The following ZNF385D variants were observed in gnomAD, a reference collection of about 807,000 sequenced individuals.
The protein encoded by ZNF385D is zinc finger protein 385D.
A neutral mutation model predicts 35.8 loss-of-function variants in ZNF385D; 15 were observed. The ratio of observed to expected loss-of-function variants is 0.42; its 90% CI spans 0.28 to 0.64. ZNF385D has a LOEUF of 0.64. Among genes scored for constraint, ZNF385D ranks in the 30% least tolerant of loss-of-function variants. ZNF385D has a pLI of 0.23. For missense variants in ZNF385D, 474 were observed against 494.6 expected, an observed-to-expected ratio of 0.96 and a Z score of 0.39; for synonymous variants, 212 against 186.8, an observed-to-expected ratio of 1.13 and a Z score of -1.10.
chr3:22,241,158 G>A (rs1576549214), intron 2 of ZNF385D, among the ~76,000 whole-genome samples: 1 of 151,070 alleles, frequency 6.6e-6, no homozygotes, highest in East Asian at 2.0e-4. Context: ...ACCTTAACTA[G>A]CCCAACTGTA....
chr3:22,107,026 G>GTTTTTTTTTTTTTTTTTTTTTTC (rs10676871), intron 3 of ZNF385D, among the ~76,000 whole-genome samples: 1 of 118,830 alleles, frequency 8.4e-6, no homozygotes, highest in Non-Finnish European at 1.8e-5. Flanking sequence ...TGGAATGAGA[G>GTTTTTTTTTTTTTTTTTTTTTTC]TTTTTTTTTT....
intron 3 of ZNF385D, among the ~76,000 whole-genome samples, chr3:22,144,657 A>T (rs1027302914): frequency 7.9e-6 from 1 of 126,108 alleles, no homozygotes; most frequent in Non-Finnish European, 1.9e-5. Context: ...TAAGTTAGTC[A>T]TCATTAGTAG....
intron 3 of ZNF385D, among the ~76,000 whole-genome samples, chr3:22,139,983 T>C (rs1333550159): frequency 6.6e-6 from 1 of 152,108 alleles, no homozygotes; most frequent in Non-Finnish European, 1.5e-5. Flanking sequence ...ATATAGAGAA[T>C]CTCTCACATA....
At chr3:21,709,850 T>C (rs1329182339) in intron 1 of ZNF385D, among the ~76,000 whole-genome samples, 1 of 152,234 alleles carries the variant, frequency 6.6e-6, no homozygotes, top group East Asian at 1.9e-4. Context: ...TTTGAAGATG[T>C]ATACGGTGCA....
Position 22,312,595 on chromosome 3 carries a change from T to C in ZNF385D, c.106+59855A>G, listed in dbSNP as rs576587433. ...ACCCCATCAAAAAGTGGGTGAAGGATATGAACAGACACTTCTCAAAAGAAG... is the reference window on the plus strand; with the variant it reads ...ACCCCATCAAAAAGTGGGTGAAGGACATGAACAGACACTTCTCAAAAGAAG... On this transcript the variant is annotated intron_variant, in intron 2 of 5. Transcript: ENST00000494108. Among the ~76,000 whole-genome samples, 16 of 152,094 alleles carry C rather than the reference T, an allele frequency of 1.1e-4. No homozygotes were observed. In the South Asian group the frequency reaches 1.2e-3, roughly 12 times the overall value.
At chr3:21,944,280 T>C (rs1701671370) in intron 3 of ZNF385D, among the ~76,000 whole-genome samples, 1 of 152,186 alleles carries the variant, frequency 6.6e-6, no homozygotes, top group Admixed American at 6.5e-5. Flanking sequence ...AGGTCGTCTC[T>C]GCAGATTTTC....
chr3:21,643,871 T>C (rs1403382015), intron 2 of ZNF385D, among the ~76,000 whole-genome samples: 1 of 152,112 alleles, frequency 6.6e-6, no homozygotes, highest in Non-Finnish European at 1.5e-5. Context: ...AAAGTTCTAT[T>C]GTACAGTGCT....
intron 2 of ZNF385D, among the ~76,000 whole-genome samples, chr3:21,608,014 TTTTTTTTTG>T (rs2064540458): frequency 8.8e-6 from 1 of 113,724 alleles, no homozygotes; most frequent in African/African-American, 3.2e-5. Context: ...TTTTTCTTCT[TTTTTTTTTG>T]TTTTTTTTTT....
At chr3:22,110,194 T>A (rs1489350429) in intron 3 of ZNF385D, among the ~76,000 whole-genome samples, 4 of 152,146 alleles carry the variant, frequency 2.6e-5, no homozygotes, top group Non-Finnish European at 5.9e-5. Context: ...TTGGTGGGAC[T>A]GTAAACTAGT....
intron 2 of ZNF385D, among the ~76,000 whole-genome samples, chr3:22,188,324 C>T (rs1164946017): frequency 6.6e-6 from 1 of 152,128 alleles, no homozygotes; most frequent in Non-Finnish European, 1.5e-5. Flanking sequence ...AACAGTATTT[C>T]GTGCTAAATC....
chr3:21,755,819 T>C (rs1332843522), upstream of ZNF385D, among the ~76,000 whole-genome samples: 2 of 152,212 alleles, frequency 1.3e-5, no homozygotes, highest in South Asian at 2.1e-4. Context: ...ATGCCTATCA[T>C]GTGCCAGGCA....
intron 3 of ZNF385D, among the ~76,000 whole-genome samples, chr3:21,801,079 G>C (rs1476111583): frequency 1.3e-5 from 2 of 151,924 alleles, no homozygotes; most frequent in Non-Finnish European, 2.9e-5. Flanking sequence ...AATTTAGATG[G>C]CCATGTATTT....
chr3:21,743,969 G>A (rs955233244), intron 1 of ZNF385D, among the ~76,000 whole-genome samples: 5 of 152,146 alleles, frequency 3.3e-5, no homozygotes, highest in Admixed American at 2.0e-4. Flanking sequence ...CATTTCTCAA[G>A]CTATTGGCTG....
At chr3:21,819,849 A>G (rs1486121650) in intron 3 of ZNF385D, among the ~76,000 whole-genome samples, 1 of 148,158 alleles carries the variant, frequency 6.7e-6, no homozygotes, top group East Asian at 2.0e-4. Flanking sequence ...ACACATATAT[A>G]CATAAATATA....
intron 2 of ZNF385D, among the ~76,000 whole-genome samples, chr3:22,214,503 C>A (rs1196507558): frequency 6.6e-6 from 1 of 152,092 alleles, no homozygotes. Context: ...AGCCATATTT[C>A]TCTTCTTTCA....
intron 1 of ZNF385D, among the ~76,000 whole-genome samples, chr3:21,732,863 T>C (rs2069081673): frequency 1.3e-5 from 2 of 152,200 alleles, no homozygotes; most frequent in Admixed American, 1.3e-4. Context: ...CTCTTTGTAG[T>C]GTCTTTCACA....
At chr3:21,492,719 T>C (rs1336310519) in intron 4 of ZNF385D, among the ~76,000 whole-genome samples, 1 of 151,484 alleles carries the variant, frequency 6.6e-6, no homozygotes, top group Admixed American at 6.6e-5. Flanking sequence ...GGGAGGTAGA[T>C]GTTACAGTGA....
intron 3 of ZNF385D, among the ~76,000 whole-genome samples, chr3:21,908,574 C>T (rs555058889): frequency 1.3e-5 from 2 of 152,120 alleles, no homozygotes; most frequent in South Asian, 2.1e-4. Context: ...AAGCACAAAT[C>T]AAGGAAAGAT....
At chr3:21,555,135 G>A (rs1453537729) in intron 3 of ZNF385D, among the ~76,000 whole-genome samples, 1 of 151,620 alleles carries the variant, frequency 6.6e-6, no homozygotes, top group Non-Finnish European at 1.5e-5. Context: ...TCCTCACTAA[G>A]CTTAATCATT....
Sources: gnomAD v4.1 joint callset for allele counts (sites outside exome capture counted in the v4.1 genomes callset) on GRCh38, gnomAD v4.1.1 for gene constraint, MANE v1.5 for transcripts, NCBI Gene and HGNC (gene_info 2026-07-23, HGNC 2026-07-21) for gene names.